Variants in STOX2 observed in about 807,000 individuals in gnomAD.
The protein encoded by STOX2 is storkhead box 2.
A neutral mutation model predicts 60.9 loss-of-function variants in STOX2; 28 were observed. The observed-to-expected ratio is 0.46, with a 90% CI of 0.34 to 0.63. STOX2 has a LOEUF of 0.63. Ranked by LOEUF, STOX2 falls within the 30% of genes least tolerant of loss-of-function variation. STOX2 has a pLI of 0.01. For synonymous variants in STOX2, 472 were observed against 463.9 expected (o/e 1.02, Z -0.22); for missense variants, 1,024 against 1,187.7 (o/e 0.86, Z 2.03).
chr4:183,805,432 A>T (rs1483690401), intron 1 of STOX2, among the ~76,000 whole-genome samples: 1 of 152,182 alleles, frequency 6.6e-6, no homozygotes, highest in Non-Finnish European at 1.5e-5. Context: ...TTTGGATCTA[A>T]TTTTTTAATT....
intron 1 of STOX2, among the ~76,000 whole-genome samples, chr4:183,847,508 T>C (rs989257087): frequency 6.6e-6 from 1 of 152,176 alleles, no homozygotes; most frequent in Non-Finnish European, 1.5e-5. Flanking sequence ...TATTGCCTTT[T>C]CTATCAGTCC....
At chr4:183,873,372 G>A (rs1740738662) in intron 1 of STOX2, among the ~76,000 whole-genome samples, 1 of 151,774 alleles carries the variant, frequency 6.6e-6, no homozygotes, top group Non-Finnish European at 1.5e-5. Flanking sequence ...CTTGAATCTG[G>A]GAGGCGGAGG....
intron 1 of STOX2, among the ~76,000 whole-genome samples, chr4:183,863,938 A>G (rs1560852678): frequency 6.6e-6 from 1 of 152,178 alleles, no homozygotes; most frequent in East Asian, 1.9e-4. Context: ...GTTGACTTTA[A>G]TTCGAAACAG....
At chr4:183,803,924 C>T (rs181876832) in intron 1 of STOX2, among the ~76,000 whole-genome samples, 46 of 151,896 alleles carry the variant, frequency 3.0e-4, no homozygotes, top group Non-Finnish European at 1.8e-4. Flanking sequence ...GCTGAGATCA[C>T]GACACTGCAC....
intron 1 of STOX2, among the ~76,000 whole-genome samples, chr4:183,927,691 C>T (rs1013699476): frequency 2.6e-5 from 4 of 152,086 alleles, no homozygotes; most frequent in Non-Finnish European, 5.9e-5. Context: ...AGGAGGTTGC[C>T]AACTGATGTT....
intron 1 of STOX2, among the ~76,000 whole-genome samples, chr4:183,847,634 T>A (rs1232467227): frequency 6.6e-6 from 1 of 152,120 alleles, no homozygotes; most frequent in Non-Finnish European, 1.5e-5. Flanking sequence ...AAGACCACAA[T>A]CGAACTGGAT....
At chr4:183,809,696 C>T (rs1271222949) in intron 1 of STOX2, among the ~76,000 whole-genome samples, 5 of 152,176 alleles carry the variant, frequency 3.3e-5, no homozygotes, top group African/African-American at 1.2e-4. Context: ...CATTCCCGGC[C>T]CTGACTTTTA....
At chr4:183,839,473 G>A (rs937758346) in intron 1 of STOX2, among the ~76,000 whole-genome samples, 1 of 152,166 alleles carries the variant, frequency 6.6e-6, no homozygotes, top group African/African-American at 2.4e-5. Context: ...CCACTTGAGG[G>A]CACCATGAAC....
intron 1 of STOX2, among the ~76,000 whole-genome samples, chr4:183,884,311 T>C (rs539104117): frequency 6.6e-6 from 1 of 152,218 alleles, no homozygotes; most frequent in East Asian, 1.9e-4. Flanking sequence ...TAATTTTTTT[T>C]TTTTTTTAGT....
chr4:183,798,671 G>C, intron 1 of STOX2: 1 of 985,392 alleles, frequency 1.0e-6, no homozygotes, highest in Non-Finnish European at 1.2e-6. Context: ...TTGTGTGTCT[G>C]AGGGAAGGAA....
In STOX2 at chr4:184,011,084, C is replaced by G; in HGVS notation, c.2246C>G (p.Ser749Trp). The G allele has an allele frequency of 6.3e-7, 1 of 1,597,220 alleles. No homozygotes were observed. The highest frequency in any genetic ancestry group is 8.5e-7 in the Non-Finnish European group (1 of 1,172,474). Residue 749 changes from serine to tryptophan, a missense_variant, in exon 3 of 4, where the codon TCG becomes TGG. This residue lies in a region of STOX2 where 922 missense variants were observed against 1,058.3 expected (regional missense o/e 0.87). Coordinates refer to ENST00000308497, the MANE Select transcript of STOX2 (RefSeq NM_020225.3). The surrounding 1 kb of genome is among the most constrained non-coding windows in gnomAD (Gnocchi z 4.4). ...AAACTGGAACCGTCCCTGGGGACCT[C>G]GGCGGCACAAGCCATGCCTGCTTCC... Reference protein sequence around the residue: ...CEKLEPSLGTSAAQAMPASQR... With the variant: ...CEKLEPSLGTWAAQAMPASQR...
intron 1 of STOX2, among the ~76,000 whole-genome samples, chr4:183,890,532 G>GGAAA (rs1741183876): frequency 2.0e-5 from 3 of 150,942 alleles, no homozygotes; most frequent in Non-Finnish European, 4.4e-5. Flanking sequence ...AGGAAAAGGA[G>GGAAA]GGAAGGAAGG....
intron 1 of STOX2, among the ~76,000 whole-genome samples, chr4:183,929,538 C>T (rs752021877): frequency 3.9e-5 from 6 of 152,060 alleles, no homozygotes; most frequent in Admixed American, 1.3e-4. Context: ...ATTTCAAACA[C>T]CTTAAGTGAG....
chr4:183,955,067 G>T (rs1743209190), intron 1 of STOX2, among the ~76,000 whole-genome samples: 1 of 152,160 alleles, frequency 6.6e-6, no homozygotes, highest in Non-Finnish European at 1.5e-5. Context: ...TGTTTCCTTG[G>T]CATGTATCTA....
At position 184,011,422 on chromosome 4, in the gene STOX2, C is replaced by A; in HGVS notation, c.2584C>A (p.Arg862Ser). Residue 862 changes from arginine to serine, a missense_variant and splice_region_variant, in exon 3 of 4, where the codon CGT (arginine) becomes AGT (serine). Transcript: ENST00000308497. This position sits in a 1 kb window ranked among gnomAD's most constrained non-coding sequence, Gnocchi z 4.4. ...ITVDSGFNSP[R>S]TRESLASNTS... The stretch of plus-strand genomic sequence containing the variant: ...AGTGGACAGTGGATTCAACTCCCCA[C>A]GGTAGGGAGAGGTGTCTCTGTGCAC... 3 of 1,608,338 alleles carry A rather than the reference C, an allele frequency of 1.9e-6. No individual in the cohort carries two copies. The highest frequency in any genetic ancestry group is 1.1e-5 in the South Asian group (1 of 90,198).
chr4:183,822,616 G>A (rs1304820638), intron 1 of STOX2, among the ~76,000 whole-genome samples: 1 of 152,268 alleles, frequency 6.6e-6, no homozygotes, highest in African/African-American at 2.4e-5. Flanking sequence ...ACCATCTAAC[G>A]CTGCCGCGGA....
At chr4:183,973,758 G>C (rs1732303598) in intron 1 of STOX2, among the ~76,000 whole-genome samples, 1 of 152,208 alleles carries the variant, frequency 6.6e-6, no homozygotes, top group Non-Finnish European at 1.5e-5. Context: ...CACTTTGGGA[G>C]GCCGAGGTGG....
chr4:183,899,284 G>A (rs1741411702), intron 1 of STOX2, among the ~76,000 whole-genome samples: 1 of 152,164 alleles, frequency 6.6e-6, no homozygotes, highest in Non-Finnish European at 1.5e-5. Context: ...GCCTCTGCAT[G>A]TTCAAGTGAA....
At chr4:183,972,141 G>A (rs1743760332) in intron 1 of STOX2, among the ~76,000 whole-genome samples, 1 of 152,188 alleles carries the variant, frequency 6.6e-6, no homozygotes, top group South Asian at 2.1e-4. Context: ...GTAGGGCTGG[G>A]CAGACATCCA....
Sources: allele counts gnomAD v4.1 joint callset (sites outside exome capture counted in the v4.1 genomes callset), GRCh38; gene constraint gnomAD v4.1.1; regional missense constraint gnomAD v4.1.1; non-coding constraint Gnocchi (gnomAD v3.1); transcripts MANE v1.5; gene names NCBI Gene and HGNC (gene_info 2026-07-23, HGNC 2026-07-21).